Variants in RBFOX2 observed in about 807,000 individuals in gnomAD.
The protein encoded by RBFOX2 is RNA binding fox-1 homolog 2.
In RBFOX2, 10 loss-of-function variants were observed where a neutral mutation model predicts 49.1. The ratio of observed to expected loss-of-function variants is 0.20; its 90% CI spans 0.13 to 0.35. The LOEUF is 0.35. Among genes scored for constraint, RBFOX2 ranks in the 10% least tolerant of loss-of-function variants. The pLI, the probability that RBFOX2 is intolerant of heterozygous loss-of-function variation, is 1.00. For synonymous variants in RBFOX2, 183 were observed against 187.4 expected, an observed-to-expected ratio of 0.98 and a Z score of 0.19; for missense variants, 323 against 486.9, an observed-to-expected ratio of 0.66 and a Z score of 3.17.
chr22:35,755,433 A>G (rs1388593209), intron 9 of RBFOX2, among the ~76,000 whole-genome samples: 1 of 152,220 alleles, frequency 6.6e-6, no homozygotes, highest in African/African-American at 2.4e-5. Flanking sequence ...CAGCAAATCT[A>G]TGATAGTCAA....
intron 1 of RBFOX2, among the ~76,000 whole-genome samples, chr22:36,004,772 G>A (rs1279147549): frequency 6.6e-6 from 1 of 152,002 alleles, no homozygotes; most frequent in Non-Finnish European, 1.5e-5. Context: ...CTCCAGCCTG[G>A]GCGACAAGAG....
chr22:35,895,154 C>A (rs111703727), intron 1 of RBFOX2, among the ~76,000 whole-genome samples: 1 of 151,938 alleles, frequency 6.6e-6, no homozygotes, highest in African/African-American at 2.4e-5. Flanking sequence ...GTACAGCACA[C>A]TCTCTCTGTA....
At chr22:35,887,005 C>T (rs2046664278) in intron 1 of RBFOX2, among the ~76,000 whole-genome samples, 1 of 152,206 alleles carries the variant, frequency 6.6e-6, no homozygotes, top group African/African-American at 2.4e-5. Flanking sequence ...TTTGACCACG[C>T]TGATTTTCTG....
At chr22:35,978,100 T>C (rs773679588) in intron 1 of RBFOX2, among the ~76,000 whole-genome samples, 2 of 152,082 alleles carry the variant, frequency 1.3e-5, no homozygotes, top group Non-Finnish European at 2.9e-5. Flanking sequence ...GCCATCGCGG[T>C]TGGAAAACTG....
At chr22:35,881,751 G>A (rs897594644) in intron 1 of RBFOX2, among the ~76,000 whole-genome samples, 1 of 151,994 alleles carries the variant, frequency 6.6e-6, no homozygotes, top group Non-Finnish European at 1.5e-5. Context: ...ATGAGGTCAG[G>A]AGTTCGAGAC....
At chr22:35,810,184 G>GACAC (rs1398430868) in intron 1 of RBFOX2, among the ~76,000 whole-genome samples, 180 bp from the exon 3 acceptor site, 2 of 89,584 alleles carry the variant, frequency 2.2e-5, no homozygotes, top group African/African-American at 9.2e-5. Context: ...TATGTATGTG[G>GACAC]ACAGACACAC....
At chr22:35,944,674 T>C (rs1219290336) in intron 1 of RBFOX2, among the ~76,000 whole-genome samples, 1 of 152,180 alleles carries the variant, frequency 6.6e-6, no homozygotes, top group Non-Finnish European at 1.5e-5. Context: ...AAAGACATCA[T>C]GCTGCCAATC....
At chr22:35,756,446 T>C (rs1361891761) in intron 9 of RBFOX2, among the ~76,000 whole-genome samples, 2 of 152,160 alleles carry the variant, frequency 1.3e-5, no homozygotes, top group Non-Finnish European at 2.9e-5. Flanking sequence ...GCCTATTATA[T>C]CTATCCAAAA....
chr22:35,820,774 A>G (rs1322480163), intron 1 of RBFOX2, among the ~76,000 whole-genome samples: 1 of 152,236 alleles, frequency 6.6e-6, no homozygotes, highest in East Asian at 1.9e-4. Context: ...AACAAAAATG[A>G]TATGGTGGTA....
chr22:36,009,608 C>T (rs181179743), intron 1 of RBFOX2, among the ~76,000 whole-genome samples: 95 of 152,202 alleles, frequency 6.2e-4, no homozygotes, highest in Non-Finnish European at 1.1e-3. Flanking sequence ...AGGCTAGTCT[C>T]AAATTCCTGG....
intron 1 of RBFOX2, among the ~76,000 whole-genome samples, chr22:35,991,620 T>C (rs1056862549): frequency 9.9e-5 from 15 of 152,006 alleles, no homozygotes; most frequent in Admixed American, 7.9e-4. Context: ...CTACCAAACA[T>C]TGAAAACAAT....
chr22:35,938,817 T>A (rs748340036), intron 1 of RBFOX2, 30 bp downstream of exon 2: 3 of 1,594,336 alleles, frequency 1.9e-6, no homozygotes, highest in Non-Finnish European at 2.6e-6. Flanking sequence ...CACACATACA[T>A]CATCTGAGTT....
chr22:35,932,885 C>T (rs910246898), intron 1 of RBFOX2, among the ~76,000 whole-genome samples: 1 of 152,134 alleles, frequency 6.6e-6, no homozygotes, highest in Non-Finnish European at 1.5e-5. Context: ...AAATTGACAA[C>T]ATGACATTTT....
At chr22:35,951,495 T>C (rs2054932390) in intron 1 of RBFOX2, among the ~76,000 whole-genome samples, 1 of 152,174 alleles carries the variant, frequency 6.6e-6, no homozygotes, top group African/African-American at 2.4e-5. Flanking sequence ...TCCGCCTGCC[T>C]TGGCCTCCCA....
chr22:35,888,882 CACTG>C (rs1406545965), intron 1 of RBFOX2, among the ~76,000 whole-genome samples: 1 of 152,320 alleles, frequency 6.6e-6, no homozygotes, highest in African/African-American at 2.4e-5. Context: ...TGGCCGGGCA[CACTG>C]ACTAAGTCCT....
At chr22:35,947,434 G>A (rs1174288161) in intron 1 of RBFOX2, among the ~76,000 whole-genome samples, 2 of 151,088 alleles carry the variant, frequency 1.3e-5, no homozygotes, top group African/African-American at 4.9e-5. Context: ...TCATTAGAGT[G>A]TGCTCCTTCT....
intron 9 of RBFOX2, among the ~76,000 whole-genome samples, chr22:35,753,409 A>G (rs1935686218): frequency 6.6e-6 from 1 of 152,244 alleles, no homozygotes; most frequent in African/African-American, 2.4e-5. Flanking sequence ...TACCTCATAA[A>G]GTATTCTTGC....
intron 1 of RBFOX2, among the ~76,000 whole-genome samples, chr22:35,971,714 C>T (rs531821507): frequency 2.0e-5 from 3 of 151,994 alleles, no homozygotes; most frequent in Admixed American, 6.6e-5. Flanking sequence ...CAACATGAGA[C>T]GGTTGCTCTT....
In RBFOX2 at chr22:35,978,581, C is replaced by G. The variant is rs552854222; in HGVS notation, c.187-39684G>C. Among the ~76,000 whole-genome samples, 59 of 152,274 alleles carry G rather than the reference C, an allele frequency of 3.9e-4. No homozygotes were observed. The South Asian group carries it at 0.011, about 29-fold the overall frequency. ...GTACAAAATAAACTTGGAAAACCTT[C>G]TTGTGGCAGAAAATAAGGAAATGTC... On this transcript the variant is annotated intron_variant, in intron 1 of 13. Transcript: ENST00000438146.
Sources: allele counts gnomAD v4.1 joint callset (sites outside exome capture counted in the v4.1 genomes callset), GRCh38; gene constraint gnomAD v4.1.1; transcripts MANE v1.5; gene names NCBI Gene and HGNC (gene_info 2026-07-23, HGNC 2026-07-21).